Variants in PCID2 observed in about 807,000 individuals in gnomAD.
PCID2 encodes the protein PCI domain-containing protein 2.
Under a neutral mutation model 61.3 loss-of-function variants are expected in PCID2, and 41 were observed. That is an observed-to-expected ratio of 0.67 (90% CI 0.52 to 0.87). The LOEUF (loss-of-function observed/expected upper bound fraction) is 0.87, where lower values mean the gene tolerates loss of function less well. PCID2 is among the 40% of genes least tolerant of loss of function. The probability of loss-of-function intolerance (pLI) is 0.00; values close to 1 mark genes in which losing one functional copy is unlikely to be tolerated. For synonymous variants in PCID2, 187 were observed against 177.8 expected (o/e 1.05, Z -0.41); for missense variants, 392 against 493.4 (o/e 0.79, Z 1.95).
the PCID2 span, chr13:113,172,028 G>C: frequency 6.2e-7 from 1 of 1,613,158 alleles, no homozygotes; most frequent in East Asian, 2.2e-5. Flanking sequence ...CTCGCAGCCA[G>C]TAGGAGGGCA....
chr13:113,184,117 T>C, intron 9 of PCID2: 1 of 649,970 alleles, frequency 1.5e-6, no homozygotes, highest in Non-Finnish European at 1.9e-6. Flanking sequence ...AGAAACGATG[T>C]CTGTAATGCC....
chr13:113,187,341 G>A (rs373592880), intron 7 of PCID2: 18 of 152,318 alleles, frequency 1.2e-4, no homozygotes, highest in African/African-American at 4.1e-4. Flanking sequence ...TGTCCCCTCA[G>A]GGTGGAAATG....
chr13:113,195,259 G>T, intron 5 of PCID2, 134 bp from the exon 6 acceptor site: 1 of 678,806 alleles, frequency 1.5e-6, no homozygotes, highest in South Asian at 1.6e-5. Context: ...TCTGACAGTT[G>T]TCTGCTTCCT....
intron 3 of PCID2, among the ~76,000 whole-genome samples, chr13:113,197,524 G>A (rs1046489666): frequency 2.0e-5 from 3 of 152,220 alleles, no homozygotes; most frequent in African/African-American, 7.2e-5. Flanking sequence ...AGCAGGGGCT[G>A]ACAATGACAT....
chr13:113,176,153 G>A (rs558163074), downstream of PCID2, among the ~76,000 whole-genome samples: 19 of 152,326 alleles, frequency 1.2e-4, no homozygotes, highest in South Asian at 2.1e-4. Context: ...TGCGCCGCGC[G>A]GCCCGGAGAG....
chr13:113,183,643 C>T (rs1349064489), intron 9 of PCID2: 1 of 363,218 alleles, frequency 2.8e-6, no homozygotes, highest in Non-Finnish European at 3.8e-6. Context: ...GCTTCATGTA[C>T]TTGGGACTGT....
intron 2 of PCID2, among the ~76,000 whole-genome samples, chr13:113,198,553 A>ATTTTTTTTGT (rs1322106860): frequency 6.6e-6 from 1 of 152,140 alleles, no homozygotes; most frequent in Non-Finnish European, 1.5e-5. Flanking sequence ...AAAATTACAA[A>ATTTTTTTTGT]AATTAGCTGG....
At chr13:113,172,894 C>G (rs1347795245), downstream of PCID2, among the ~76,000 whole-genome samples, 1 of 152,196 alleles carries the variant, frequency 6.6e-6, no homozygotes, top group Non-Finnish European at 1.5e-5. Flanking sequence ...TGATGGGCAG[C>G]TAGGGCAACG....
At chr13:113,203,766 T>C (rs935040675) in intron 1 of PCID2, among the ~76,000 whole-genome samples, 3 of 152,182 alleles carry the variant, frequency 2.0e-5, no homozygotes, top group African/African-American at 7.2e-5. Flanking sequence ...GGGTGGCAAC[T>C]GCCTTGGCCA....
At chr13:113,194,994 A>C in intron 6 of PCID2, 77 bp downstream of exon 6, 1 of 1,044,254 alleles carries the variant, frequency 9.6e-7, no homozygotes, top group East Asian at 2.4e-5. Flanking sequence ...ACTTCTGGGA[A>C]GAATGACATG....
At chr13:113,166,487 C>A in the PCID2 span, 1 of 152,158 alleles carries the variant, frequency 6.6e-6, no homozygotes, top group African/African-American at 2.4e-5. Flanking sequence ...CCGACTCTTA[C>A]AAGACAGCTG....
chr13:113,185,793 A>G (rs991377135), intron 7 of PCID2: 6 of 414,834 alleles, frequency 1.4e-5, no homozygotes, highest in African/African-American at 1.2e-4. Flanking sequence ...GAAAATCCCA[A>G]TTAACTACTT....
chr13:113,207,191 C>T (rs2139004291), intron 1 of PCID2, among the ~76,000 whole-genome samples: 1 of 152,324 alleles, frequency 6.6e-6, no homozygotes, highest in Admixed American at 6.5e-5. Context: ...GTTCTCAAAT[C>T]TATTTTTGCT....
intron 7 of PCID2, 149 bp downstream of exon 7, chr13:113,190,723 T>C (rs779313885): frequency 8.7e-6 from 4 of 459,062 alleles, no homozygotes; most frequent in Non-Finnish European, 1.5e-5. Context: ...CAATCAACTT[T>C]TTAAAGCAAA....
intron 6 of PCID2, among the ~76,000 whole-genome samples, chr13:113,194,025 C>T (rs1424339428): frequency 6.6e-6 from 1 of 152,118 alleles, no homozygotes; most frequent in African/African-American, 2.4e-5. Flanking sequence ...TTTAGCAGGC[C>T]TCACCATGCA....
At chr13:113,192,372 T>C (rs1192283515) in intron 6 of PCID2, among the ~76,000 whole-genome samples, 1 of 152,260 alleles carries the variant, frequency 6.6e-6, no homozygotes, top group African/African-American at 2.4e-5. Context: ...AGCACTTCTG[T>C]TGCACACGGG....
At chr13:113,201,107 T>C (rs189935953) in intron 1 of PCID2, among the ~76,000 whole-genome samples, 1 of 152,286 alleles carries the variant, frequency 6.6e-6, no homozygotes, top group East Asian at 1.9e-4. Context: ...AAAAACCACA[T>C]ATATCCAAAA....
the PCID2 span, chr13:113,170,497 T>C: frequency 6.2e-7 from 1 of 1,600,058 alleles, no homozygotes; most frequent in Non-Finnish European, 8.6e-7. Flanking sequence ...AGCAAAATGT[T>C]CACTGTTACA....
chr13:113,175,391 C>T (rs1208458824), downstream of PCID2, among the ~76,000 whole-genome samples: 3 of 152,180 alleles, frequency 2.0e-5, no homozygotes, highest in South Asian at 2.1e-4. Flanking sequence ...AGCTTTCCAC[C>T]GCTATTACAT....
Sources: gnomAD v4.1 joint callset for allele counts (sites outside exome capture counted in the v4.1 genomes callset) on GRCh38, gnomAD v4.1.1 for gene constraint, MANE v1.5 for transcripts, NCBI Gene and HGNC (gene_info 2026-07-23, HGNC 2026-07-21) for gene names.